Variants in TRPM4 observed in about 807,000 individuals in gnomAD.
TRPM4 encodes calcium-activated non-selective cation channel 1.
TRPM4 carries 124 observed loss-of-function variants against 135.6 expected under a neutral mutation model. The ratio of observed to expected loss-of-function variants is 0.91; its 90% CI spans 0.79 to 1.06. The LOEUF is 1.06. TRPM4 is among the 50% of genes least tolerant of loss of function. TRPM4 has a pLI of 0.00. For missense variants in TRPM4, 1,658 were observed against 1,671.4 expected, an observed-to-expected ratio of 0.99 and a Z score of 0.14; for synonymous variants, 745 against 705.6, an observed-to-expected ratio of 1.06 and a Z score of -0.88.
In TRPM4 at chr19:49,202,063, G is replaced by A; in HGVS notation, c.3053G>A (p.Trp1018Ter). The A allele has an allele frequency of 1.9e-6, 3 of 1,614,074 alleles. No individual in the cohort carries two copies. The highest frequency in any genetic ancestry group is 2.5e-6 in the Non-Finnish European group (3 of 1,180,044). The change falls in exon 20 of 25, where the codon TGG becomes TAG. Residue 1018 changes from tryptophan (W) to a stop codon, truncating the protein, a stop_gained. Coordinates refer to ENST00000252826, the MANE Select transcript of TRPM4 (RefSeq NM_017636.4). LOFTEE classifies it high-confidence loss of function. ...AGTCVSQYANWLVVLLLVIFL... is the reference protein window; with the variant it reads ...AGTCVSQYAN Reference sequence around the variant, plus strand: ...ACCTGCGTCTCCCAGTATGCCAACTGGCTGGTGGTGCTGCTCCTCGTCATC... The same window carrying A: ...ACCTGCGTCTCCCAGTATGCCAACTAGCTGGTGGTGCTGCTCCTCGTCATC...
Position 49,183,082 on chromosome 19 carries a change from A to G in TRPM4, c.1613A>G (p.Tyr538Cys), listed in dbSNP as rs373880512. The G allele has an allele frequency of 3.1e-6, 5 of 1,612,186 alleles. No homozygotes were observed. The highest frequency in any genetic ancestry group is 2.1e-4 in the Middle Eastern group (1 of 4,878). The change falls in exon 12 of 25, where the codon TAT becomes TGT. Residue 538 changes from tyrosine to cysteine, a missense_variant. Tyr to Cys is a radical substitution (Grantham distance 194). This residue lies in a region of TRPM4 where 1,412 missense variants were observed against 1,408.7 expected (regional missense o/e 1.00). Transcript: ENST00000252826. ...CACCCCTCCTTTTGCTGGCAGATGT[A>G]TCTGCTCTCGGACAAGGCCACCTCG... ...HPGQGFGESM[Y>C]LLSDKATSPL...
chr19:49,206,055 G>T (rs1052933661), intron 20 of TRPM4, among the ~76,000 whole-genome samples: 1 of 152,094 alleles, frequency 6.6e-6, no homozygotes, highest in Non-Finnish European at 1.5e-5. Flanking sequence ...CCGCATCCTG[G>T]ATTCAAACGA....
chr19:49,165,633 C>G (rs1219139231), intron 2 of TRPM4, among the ~76,000 whole-genome samples: 3 of 152,164 alleles, frequency 2.0e-5, no homozygotes, highest in African/African-American at 7.2e-5. Context: ...CCCAAAGTCA[C>G]ACAGCCGCGT....
intron 14 of TRPM4, among the ~76,000 whole-genome samples, chr19:49,189,625 A>G (rs1968336510): frequency 6.6e-6 from 1 of 151,400 alleles, no homozygotes; most frequent in Non-Finnish European, 1.5e-5. Context: ...GGGAAGCCCT[A>G]CTTGCTCCCA....
rs1968879361 is a variant in TRPM4 at position 49,200,498 on chromosome 19, G to T, written c.2778+66G>T. ...AAAGGGGTGGGGCCAGGGAGGGAGTGGTCCGTGGAGAAGGGGCGTGACTTT... is the reference window on the plus strand; with the variant it reads ...AAAGGGGTGGGGCCAGGGAGGGAGTTGTCCGTGGAGAAGGGGCGTGACTTT... On this transcript the variant is annotated intron_variant, in intron 18 of 24. Transcript: ENST00000252826. The T allele has an allele frequency of 3.1e-6, 5 of 1,592,564 alleles. No individual in the cohort carries two copies. The East Asian group carries it at 1.1e-4, about 36-fold the overall frequency.
At chr19:49,195,522 C>T (rs1373400605) in intron 16 of TRPM4, among the ~76,000 whole-genome samples, 1 of 152,114 alleles carries the variant, frequency 6.6e-6, no homozygotes, top group Non-Finnish European at 1.5e-5. Context: ...AGGCATGCGC[C>T]ACCACGCCAG....
intron 10 of TRPM4, 65 bp downstream of exon 10, chr19:49,181,526 C>T: frequency 3.4e-6 from 3 of 880,476 alleles, no homozygotes; most frequent in Non-Finnish European, 5.0e-6. Flanking sequence ...TCCCTCTCTG[C>T]CTTCTTTTTT....
intron 20 of TRPM4, among the ~76,000 whole-genome samples, chr19:49,205,220 C>G (rs1407091101): frequency 6.6e-6 from 1 of 152,048 alleles, no homozygotes; most frequent in Non-Finnish European, 1.5e-5. Flanking sequence ...GGTCCAAAAT[C>G]AAGGCATCCG....
In TRPM4 at chr19:49,171,306, C is replaced by G. The variant is rs7250823; in HGVS notation, c.797-51C>G. 7,244 of 1,607,260 alleles carry G rather than the reference C, an allele frequency of 4.5e-3. 312 individuals carry two copies. In the African/African-American group the frequency reaches 0.086, roughly 19 times the overall value. On this transcript the variant is annotated intron_variant, in intron 6 of 24. Transcript: ENST00000252826. This position sits in a 1 kb window ranked among gnomAD's most constrained non-coding sequence, Gnocchi z 4.7. ...TGGGAAATGCGGTTTTCTCCTATCT[C>G]CAGCAAAGGCTGATGGGAGGTAATC...
intron 14 of TRPM4, among the ~76,000 whole-genome samples, chr19:49,189,739 G>T (rs1042160239): frequency 6.6e-6 from 1 of 152,054 alleles, no homozygotes; most frequent in African/African-American, 2.4e-5. Context: ...AGGAAGTTGT[G>T]CCCAACAGGA....
chr19:49,190,966 A>G (rs1968389839), intron 16 of TRPM4, among the ~76,000 whole-genome samples, 193 bp downstream of exon 16: 2 of 152,200 alleles, frequency 1.3e-5, no homozygotes, highest in South Asian at 4.2e-4. Context: ...TAGTGCTGGC[A>G]TCTGCGGCTG....
Position 49,182,820 on chromosome 19 carries a change from C to T in TRPM4, c.1506C>T (p.Asp502=), listed in dbSNP as rs748240764. The T allele has an allele frequency of 1.9e-6, 3 of 1,613,390 alleles. No individual in the cohort carries two copies. The highest frequency in any genetic ancestry group is 3.3e-5 in the Admixed American group (2 of 59,998). The part of the protein sequence containing the change: ...KGGAAELRPP[D]VGHVLRMLLG... Reference sequence around the variant, plus strand: ...GAGCTGCGGAGCTCCGGCCCCCTGACGTGGGGCATGTGCTGAGGATGCTGC... The same window carrying T: ...GAGCTGCGGAGCTCCGGCCCCCTGATGTGGGGCATGTGCTGAGGATGCTGC... Residue 502 remains aspartate (D), a synonymous_variant, in exon 11 of 25, where the codon GAC becomes GAT. Coordinates refer to ENST00000252826, the MANE Select transcript of TRPM4 (RefSeq NM_017636.4).
At chr19:49,163,797 A>G (rs924207561) in intron 2 of TRPM4, among the ~76,000 whole-genome samples, 1 of 152,202 alleles carries the variant, frequency 6.6e-6, no homozygotes, top group African/African-American at 2.4e-5. Context: ...AGTTTTGCTC[A>G]GAAGAGCAAA....
Position 49,188,758 on chromosome 19 carries a change from G to A in TRPM4, c.1861G>A (p.Gly621Arg), listed in dbSNP as rs750324923. Residue 621 changes from glycine to arginine, a missense_variant, in exon 13 of 25, where the codon GGG becomes AGG. Transcript: ENST00000252826. ...GAAAGACCTGGCGTTCAAGTTTGAG[G>A]GGATGGGCGTTGGTGCGTGGGGCAC... ...RRKDLAFKFE[G>R]MGVDLFGECY... 4 of 1,614,176 alleles carry A rather than the reference G, an allele frequency of 2.5e-6. No homozygotes were observed. The highest frequency in any genetic ancestry group is 3.4e-6 in the Non-Finnish European group (4 of 1,180,026).
chr19:49,210,104 T>C lies in TRPM4; in HGVS notation c.3132-105T>C, dbSNP rs551750292. The C allele has an allele frequency of 2.5e-6, 3 of 1,200,906 alleles. No homozygotes were observed. Among genetic ancestry groups the C allele is most frequent in the South Asian group, 2.4e-5 (2 of 81,804 alleles). 74.4% of individuals were successfully genotyped at this position (1,200,906 alleles called of 1,614,324 possible). ...CTCTGACTTTAGTGATCTTGACTTCTGTCTGCTGCTATAGACTGAACAATT... is the reference window on the plus strand; with the variant it reads ...CTCTGACTTTAGTGATCTTGACTTCCGTCTGCTGCTATAGACTGAACAATT... On this transcript the variant is annotated intron_variant, in intron 20 of 24. Transcript: ENST00000252826. This position sits in a 1 kb window ranked among gnomAD's most constrained non-coding sequence, Gnocchi z 4.1.
intron 2 of TRPM4, among the ~76,000 whole-genome samples, chr19:49,164,682 TCTTG>T (rs113888558): frequency 0.096 from 13,848 of 144,558 alleles, 947 homozygotes; most frequent in African/African-American, 0.18. Flanking sequence ...GCGCCCGGCC[TCTTG>T]CTTGCTTGCT....
At chr19:49,181,487 G>A in intron 10 of TRPM4, 26 bp downstream of exon 10, 1 of 1,541,324 alleles carries the variant, frequency 6.5e-7, no homozygotes, top group Non-Finnish European at 9.0e-7. Context: ...CTGGGGGTTG[G>A]GCATACTGAC....
intron 20 of TRPM4, among the ~76,000 whole-genome samples, chr19:49,205,928 G>T (rs534244743): frequency 1.3e-5 from 2 of 152,084 alleles, no homozygotes; most frequent in African/African-American, 2.4e-5. Flanking sequence ...TATTCCACTG[G>T]ATTGCGTCTA....
intron 3 of TRPM4, 53 bp from the exon 4 acceptor site, chr19:49,167,864 C>T (rs1967281668): frequency 1.3e-6 from 2 of 1,540,032 alleles, no homozygotes; most frequent in Admixed American, 1.7e-5. Flanking sequence ...CTGTCCCCGT[C>T]TCTCTGGGTC....
Sources: allele counts gnomAD v4.1 joint callset (sites outside exome capture counted in the v4.1 genomes callset), GRCh38; gene constraint gnomAD v4.1.1; regional missense constraint gnomAD v4.1.1; non-coding constraint Gnocchi (gnomAD v3.1); transcripts MANE v1.5; gene names NCBI Gene and HGNC (gene_info 2026-07-23, HGNC 2026-07-21).